The following DCAF8L2 variants were observed in gnomAD, a reference collection of about 807,000 sequenced individuals.
DCAF8L2 encodes DDB1- and CUL4-associated factor 8-like protein 2.
For synonymous variants in DCAF8L2, 200 were observed against 190.9 expected, an observed-to-expected ratio of 1.05 and a Z score of -0.39; for missense variants, 430 against 490.7, an observed-to-expected ratio of 0.88 and a Z score of 1.17.
chrX:27,519,370 C>T, the DCAF8L2 span: 4 of 1,154,245 alleles, frequency 3.5e-6, no homozygotes, highest in Non-Finnish European at 4.7e-6. Context: ...CGTAGCAAAA[C>T]AAGCTGCCGA....
At chrX:27,507,313 T>G in the DCAF8L2 span, among the ~76,000 whole-genome samples, 1 of 111,789 alleles carries the variant, frequency 8.9e-6, no homozygotes, top group Admixed American at 9.6e-5. Context: ...ACATTCTGAA[T>G]TTTATTTTAG....
At position 27,592,171 on chromosome X, in the gene DCAF8L2, A is replaced by T. The variant is rs1441491486; in HGVS notation, c.-342+1731A>T. ...GCCTGGCCCCGTCCAGGGCTGAGTGAGGTGCGTGGGGCAGGATGAGCTGTG... is the reference window on the plus strand; with the variant it reads ...GCCTGGCCCCGTCCAGGGCTGAGTGTGGTGCGTGGGGCAGGATGAGCTGTG... On this transcript the variant is annotated intron_variant, in intron 1 of 4. Coordinates refer to ENST00000451261, the MANE Select transcript of DCAF8L2 (RefSeq NM_001353450.2). Among the ~76,000 whole-genome samples, 11 of 111,881 alleles carry T rather than the reference A, an allele frequency of 9.8e-5. 1 individual carries two copies.
intron 2 of DCAF8L2, among the ~76,000 whole-genome samples, chrX:27,646,708 A>G (rs1928952174): frequency 9.0e-6 from 1 of 111,640 alleles, no homozygotes; most frequent in Admixed American, 9.6e-5. Flanking sequence ...AAGCATATTT[A>G]CAAGAAAAAA....
chrX:27,736,454 A>T (rs1050607745), intron 4 of DCAF8L2, among the ~76,000 whole-genome samples: 2 of 112,315 alleles, frequency 1.8e-5, no homozygotes, highest in African/African-American at 6.5e-5. Flanking sequence ...GGATGAATCA[A>T]AAGCAATACC....
At chrX:27,495,536 A>G in the DCAF8L2 span, among the ~76,000 whole-genome samples, 2 of 112,178 alleles carry the variant, frequency 1.8e-5, no homozygotes, top group South Asian at 7.4e-4. Flanking sequence ...CTAATCCATT[A>G]ACATGAATTT....
At chrX:27,550,570 A>G in the DCAF8L2 span, among the ~76,000 whole-genome samples, 1 of 111,048 alleles carries the variant, frequency 9.0e-6, no homozygotes, top group Admixed American at 9.7e-5. Context: ...CTTGAAATAT[A>G]TAATATATTT....
At chrX:27,494,577 T>A in the DCAF8L2 span, among the ~76,000 whole-genome samples, 1 of 112,166 alleles carries the variant, frequency 8.9e-6, no homozygotes, top group Admixed American at 9.5e-5. Context: ...TTTCTCCACA[T>A]CTTTGAAAAT....
chrX:27,469,924 C>T, the DCAF8L2 span, among the ~76,000 whole-genome samples: 2 of 110,456 alleles, frequency 1.8e-5, no homozygotes, highest in Non-Finnish European at 3.8e-5. Flanking sequence ...ATGCGCCACC[C>T]TGCCTGGCTA....
At chrX:27,518,483 GT>G in the DCAF8L2 span, 8 of 433,700 alleles carry the variant, frequency 1.8e-5, no homozygotes, top group South Asian at 2.6e-4. Flanking sequence ...GCTCATGCCT[GT>G]AATCCAGCAC....
intron 2 of DCAF8L2, among the ~76,000 whole-genome samples, chrX:27,672,892 T>G (rs1929997530): frequency 8.9e-6 from 1 of 111,782 alleles, no homozygotes; most frequent in African/African-American, 3.3e-5. Flanking sequence ...TTATTTGAAT[T>G]AGTTACGAAG....
chrX:27,589,220 T>TA (rs1163487234), upstream of DCAF8L2, among the ~76,000 whole-genome samples: 1 of 111,717 alleles, frequency 9.0e-6, no homozygotes, highest in Non-Finnish European at 1.9e-5. Flanking sequence ...CTGGAGAACT[T>TA]ACAATGTTAT....
chrX:27,591,012 TATAA>T lies in DCAF8L2; in HGVS notation c.-342+581_-342+584del, dbSNP rs1421416881. Among the ~76,000 whole-genome samples, 231 of 88,491 alleles carry T rather than the reference TATAA, an allele frequency of 2.6e-3. 2 individuals are homozygous for T. The highest frequency in any genetic ancestry group is 3.9e-3 in the Non-Finnish European group (178 of 45,438). 76.8% of individuals were successfully genotyped at this position (88,491 alleles called of 115,157 possible). ...CATTTTATATATATATATATATATA[TATAA>T]ATAAATAATTTGATAGGTTACATTA... On this transcript the variant is annotated intron_variant, in intron 1 of 4. Transcript: ENST00000451261.
chrX:27,696,320 A>AAGAAAGAAAGAAAG (rs1298724611), intron 3 of DCAF8L2, among the ~76,000 whole-genome samples: 1 of 37,613 alleles, frequency 2.7e-5, no homozygotes, highest in Non-Finnish European at 5.4e-5. Context: ...GAAAGAAAGA[A>AAGAAAGAAAGAAAG]AGAAAGAAAG....
the DCAF8L2 span, among the ~76,000 whole-genome samples, chrX:27,525,152 T>C: frequency 9.0e-6 from 1 of 111,418 alleles, no homozygotes; most frequent in Non-Finnish European, 1.9e-5. Context: ...CCTTTATTAT[T>C]GTGTGGGAGT....
At chrX:27,554,121 C>A in the DCAF8L2 span, among the ~76,000 whole-genome samples, 4 of 111,558 alleles carry the variant, frequency 3.6e-5, no homozygotes, top group East Asian at 1.1e-3. Flanking sequence ...AAATAGAAAC[C>A]ATATGTAGCT....
chrX:27,587,985 A>AAAAATATATATATATAT, upstream of DCAF8L2, among the ~76,000 whole-genome samples: 9 of 22,354 alleles, frequency 4.0e-4, no homozygotes, highest in African/African-American at 8.9e-4. Flanking sequence ...TAAAAAAAAA[A>AAAAATATATATATATAT]ATATATATAT....
the DCAF8L2 span, among the ~76,000 whole-genome samples, chrX:27,572,062 G>T: frequency 8.9e-6 from 1 of 112,139 alleles, no homozygotes; most frequent in Admixed American, 9.5e-5. Flanking sequence ...CACTAGTTGT[G>T]TAATTATTTT....
At chrX:27,674,767 C>T (rs969894868) in intron 2 of DCAF8L2, among the ~76,000 whole-genome samples, 3 of 111,262 alleles carry the variant, frequency 2.7e-5, no homozygotes, top group Admixed American at 9.6e-5. Context: ...TGCAGCAGGC[C>T]GCGGTTGTAG....
At chrX:27,486,549 T>G in the DCAF8L2 span, among the ~76,000 whole-genome samples, 1 of 111,793 alleles carries the variant, frequency 8.9e-6, no homozygotes, top group Non-Finnish European at 1.9e-5. Flanking sequence ...AAATGTTCAG[T>G]TCAATGATTT....
Sources: allele counts gnomAD v4.1 joint callset (sites outside exome capture counted in the v4.1 genomes callset), GRCh38; gene constraint gnomAD v4.1.1; transcripts MANE v1.5; gene names NCBI Gene and HGNC (gene_info 2026-07-23, HGNC 2026-07-21).